Variants in KCTD16 observed in about 807,000 individuals in gnomAD.
KCTD16 encodes potassium channel tetramerization domain containing 16.
Under a neutral mutation model 33.2 loss-of-function variants are expected in KCTD16, and 13 were observed. That is an observed-to-expected ratio of 0.39 (90% CI 0.25 to 0.62). The LOEUF is 0.62. Among genes scored for constraint, KCTD16 ranks in the 20% least tolerant of loss-of-function variants. The probability of loss-of-function intolerance (pLI) is 0.50; values close to 1 mark genes in which losing one functional copy is unlikely to be tolerated. For missense variants in KCTD16, 441 were observed against 525.1 expected (o/e 0.84, Z 1.57); for synonymous variants, 197 against 195.3 (o/e 1.01, Z -0.07).
At chr5:144,442,782 T>C (rs541300824) in intron 3 of KCTD16, among the ~76,000 whole-genome samples, 3 of 152,156 alleles carry the variant, frequency 2.0e-5, no homozygotes, top group East Asian at 3.9e-4. Flanking sequence ...TGTGGATCTC[T>C]TTGACTTTAT....
chr5:144,324,483 G>A (rs75993216), intron 3 of KCTD16, among the ~76,000 whole-genome samples: 3,323 of 152,282 alleles, frequency 0.022, 101 homozygotes, highest in East Asian at 0.1. Context: ...TGATTGGAAA[G>A]TAAATTAGTT....
intron 3 of KCTD16, among the ~76,000 whole-genome samples, chr5:144,450,959 T>C (rs1354423062): frequency 6.6e-6 from 1 of 152,120 alleles, no homozygotes; most frequent in Non-Finnish European, 1.5e-5. Context: ...AGTATTTTTA[T>C]TGCAAAAAGA....
intron 3 of KCTD16, among the ~76,000 whole-genome samples, chr5:144,442,451 T>G (rs536691543): frequency 1.3e-5 from 1 of 76,614 alleles, no homozygotes; most frequent in South Asian, 3.2e-4. Context: ...CTTTTCTTTC[T>G]TCTTTCTTTC....
chr5:144,179,445 A>G (rs1228588384), intron 2 of KCTD16, among the ~76,000 whole-genome samples: 2 of 152,154 alleles, frequency 1.3e-5, no homozygotes, highest in African/African-American at 2.4e-5. Context: ...TGTAACCACT[A>G]TGTATCCCTG....
chr5:144,363,449 A>G (rs1439141933), intron 3 of KCTD16, among the ~76,000 whole-genome samples: 2 of 151,954 alleles, frequency 1.3e-5, no homozygotes, highest in Non-Finnish European at 2.9e-5. Flanking sequence ...GATTTATCTC[A>G]TCACCGTCCT....
At chr5:144,292,338 A>G (rs1416563630) in intron 3 of KCTD16, among the ~76,000 whole-genome samples, 3 of 152,164 alleles carry the variant, frequency 2.0e-5, no homozygotes, top group African/African-American at 7.2e-5. Flanking sequence ...TGGTGAAGTC[A>G]TTTTTGTAGT....
At chr5:144,269,765 G>T (rs1322352166) in intron 3 of KCTD16, among the ~76,000 whole-genome samples, 2 of 152,028 alleles carry the variant, frequency 1.3e-5, no homozygotes, top group Non-Finnish European at 2.9e-5. Flanking sequence ...AGAGCTTATT[G>T]CATTTAAAAT....
At chr5:144,226,543 G>A (rs1753935200) in intron 3 of KCTD16, among the ~76,000 whole-genome samples, 2 of 151,438 alleles carry the variant, frequency 1.3e-5, no homozygotes, top group South Asian at 2.1e-4. Flanking sequence ...TGAACCTGAA[G>A]TGATTCTATG....
intron 3 of KCTD16, among the ~76,000 whole-genome samples, chr5:144,411,730 C>CA (rs914048213): frequency 2.2e-4 from 33 of 152,060 alleles, no homozygotes; most frequent in African/African-American, 6.7e-4. Flanking sequence ...AGGAAACAAT[C>CA]AAAAAAGTGG....
chr5:144,189,573 C>A (rs963851582), intron 2 of KCTD16, among the ~76,000 whole-genome samples: 8 of 151,860 alleles, frequency 5.3e-5, no homozygotes, highest in African/African-American at 1.9e-4. Context: ...TCAGGGAATT[C>A]ATGAATTTTG....
rs116004999 is a variant in KCTD16, at chr5:144,365,204, G to A, written c.833-108456G>A. On this transcript the variant is annotated intron_variant, in intron 3 of 3. Coordinates refer to ENST00000512467, the MANE Select transcript of KCTD16 (RefSeq NM_020768.4). ...TGTGAGATATTCTTTCTAGAAGAGG[G>A]CTTAAAAGATTTCCCTTGGAGATAT... Among the ~76,000 whole-genome samples the A allele has an allele frequency of 1.4e-3, 213 of 152,096 alleles. 1 individual carries two copies. The highest frequency in any genetic ancestry group is 5.0e-3 in the African/African-American group (209 of 41,510).
intron 3 of KCTD16, among the ~76,000 whole-genome samples, chr5:144,456,505 A>G (rs968572301): frequency 6.6e-6 from 1 of 152,048 alleles, no homozygotes; most frequent in Non-Finnish European, 1.5e-5. Flanking sequence ...GGTAGGGAGG[A>G]CTTAGCCTAA....
chr5:144,173,901 A>ATT (rs58804094), intron 1 of KCTD16, among the ~76,000 whole-genome samples: 30,591 of 140,678 alleles, frequency 0.22, 3,376 homozygotes, highest in East Asian at 0.32. Flanking sequence ...TTCTTTTTGG[A>ATT]TTTTTTTTTT....
intron 3 of KCTD16, among the ~76,000 whole-genome samples, chr5:144,417,948 G>T (rs535580902): frequency 6.6e-6 from 1 of 152,278 alleles, no homozygotes; most frequent in East Asian, 1.9e-4. Context: ...CTTAAAGATG[G>T]TGTGTCCGGA....
At chr5:144,449,961 C>A (rs1753904502) in intron 3 of KCTD16, among the ~76,000 whole-genome samples, 1 of 151,860 alleles carries the variant, frequency 6.6e-6, no homozygotes, top group Non-Finnish European at 1.5e-5. Context: ...TAACATTAAA[C>A]TAAAAAACTT....
intron 3 of KCTD16, among the ~76,000 whole-genome samples, chr5:144,315,298 C>A (rs1751875686): frequency 6.6e-6 from 1 of 152,108 alleles, no homozygotes; most frequent in Non-Finnish European, 1.5e-5. Context: ...GGTGTATAAA[C>A]AACAAATTTG....
Position 144,480,368 on chromosome 5 carries a change from A to G in KCTD16, c.*6254A>G, listed in dbSNP as rs1754681639. 1 of 152,004 alleles carries G rather than the reference A, an allele frequency of 6.6e-6. No individual in the cohort carries two copies. Among genetic ancestry groups the G allele is most frequent in the Admixed American group, 6.6e-5 (1 of 15,228 alleles). The allele number at this position is 152,004 out of a possible 1,614,324, so 9.4% of individuals were successfully genotyped here. A position where few individuals can be genotyped will look rare whatever the true frequency, so the allele number is the denominator to read the frequency against. ...GCTTGTCTCCTCATGTGAAATTCAA[A>G]CAATACTAATTTCTGGGGAAAAATC... On this transcript the variant is annotated 3_prime_UTR_variant, in exon 4 of 4. Transcript: ENST00000512467.
chr5:144,446,001 T>G (rs1253475649), intron 3 of KCTD16, among the ~76,000 whole-genome samples: 2 of 151,970 alleles, frequency 1.3e-5, no homozygotes, highest in African/African-American at 2.4e-5. Context: ...TATTCTCAAG[T>G]GCTTTAAGTC....
At chr5:144,328,521 T>A (rs993383074) in intron 3 of KCTD16, among the ~76,000 whole-genome samples, 2 of 152,014 alleles carry the variant, frequency 1.3e-5, no homozygotes, top group Non-Finnish European at 2.9e-5. Flanking sequence ...TTATTTTTTT[T>A]ATTTTTTTTT....
Sources: allele counts gnomAD v4.1 joint callset (sites outside exome capture counted in the v4.1 genomes callset), GRCh38; gene constraint gnomAD v4.1.1; transcripts MANE v1.5; gene names NCBI Gene and HGNC (gene_info 2026-07-23, HGNC 2026-07-21).